RNF128: variants seen among roughly 807,000 people sequenced by gnomAD.
The protein encoded by RNF128 is E3 ubiquitin-protein ligase RNF128.
A neutral mutation model predicts 26.2 loss-of-function variants in RNF128; 13 were observed. The observed-to-expected ratio is 0.50, with a 90% CI of 0.32 to 0.79. The LOEUF is 0.79. Ranked by LOEUF, RNF128 falls within the 30% of genes least tolerant of loss-of-function variation. RNF128 has a pLI of 0.03. For synonymous variants in RNF128, 149 were observed against 142.5 expected, an observed-to-expected ratio of 1.05 and a Z score of -0.32; for missense variants, 315 against 349.7, an observed-to-expected ratio of 0.90 and a Z score of 0.79.
chrX:106,700,512 A>G (rs898003966), intron 1 of RNF128, among the ~76,000 whole-genome samples: 1 of 110,602 alleles, frequency 9.0e-6, no homozygotes, highest in Admixed American at 9.5e-5. Context: ...ATGTGAAAAG[A>G]TGGACAAGTT....
At chrX:106,696,133 C>A (rs1327637686) in intron 1 of RNF128, among the ~76,000 whole-genome samples, 1 of 111,379 alleles carries the variant, frequency 9.0e-6, no homozygotes. Flanking sequence ...CAGTATTGCA[C>A]CTATTTTAAA....
At chrX:106,707,037 T>G (rs767237388) in intron 1 of RNF128, among the ~76,000 whole-genome samples, 9 of 112,366 alleles carry the variant, frequency 8.0e-5, no homozygotes, top group African/African-American at 2.9e-4. Flanking sequence ...TATTCAAAAT[T>G]TACATACATA....
chrX:106,787,827 G>T (rs1378171058), intron 3 of RNF128, 91 bp from the exon 4 acceptor site: 2 of 544,366 alleles, frequency 3.7e-6, no homozygotes, highest in Non-Finnish European at 6.0e-6. Flanking sequence ...AGGAATTTAG[G>T]CTGGTTAAGT....
At chrX:106,717,311 A>G (rs1421251555) in intron 1 of RNF128, among the ~76,000 whole-genome samples, 2 of 112,249 alleles carry the variant, frequency 1.8e-5, no homozygotes, top group Admixed American at 9.4e-5. Flanking sequence ...AATATGAAGG[A>G]TGATTTGGAA....
chrX:106,699,975 T>G (rs1928930463), intron 1 of RNF128, among the ~76,000 whole-genome samples: 1 of 111,035 alleles, frequency 9.0e-6, no homozygotes, highest in Non-Finnish European at 1.9e-5. Flanking sequence ...TTGTTAAAAT[T>G]TATTTTAATG....
At position 106,740,107 on chromosome X, in the gene RNF128, C is replaced by A. The variant is rs1473097890; in HGVS notation, c.484+12710C>A. 2.7e-5 allele frequency among the ~76,000 whole-genome samples: 3 copies of A among 111,782 alleles called. No individual in the cohort carries two copies. The East Asian group carries it at 8.4e-4, about 31-fold the overall frequency. On this transcript the variant is annotated intron_variant, in intron 1 of 6. Coordinates refer to ENST00000255499, the MANE Select transcript of RNF128 (RefSeq NM_194463.2). ...TAAAAGTTTGAATGCCCCTTTATGA[C>A]CAGCATTATGCTGAATGTTGTAGTA...
chrX:106,742,266 G>A (rs1405312034), intron 1 of RNF128, among the ~76,000 whole-genome samples: 1 of 112,031 alleles, frequency 8.9e-6, no homozygotes, highest in African/African-American at 3.2e-5. Context: ...TTCTCTGCAT[G>A]GTAAAGGATT....
Position 106,726,950 on chromosome X carries a change from G to A in RNF128, c.37G>A (p.Gly13Ser). The A allele has an allele frequency of 8.4e-7, 1 of 1,185,194 alleles. No individual in the cohort carries two copies. Among genetic ancestry groups the A allele is most frequent in the Non-Finnish European group, 1.1e-6 (1 of 882,813 alleles). The change falls in exon 1 of 7, where the codon GGT becomes AGT. Residue 13 changes from glycine to serine, a missense_variant. Coordinates refer to ENST00000255499, the MANE Select transcript of RNF128 (RefSeq NM_194463.2). The part of the protein sequence containing the change: ...PPPGAGVSCR[G>S]GCGFSRLLAW... ...GCCTGGGGCCGGGGTCTCCTGCCGC[G>A]GTGGCTGCGGCTTTTCCAGATTGCT...
At chrX:106,756,208 C>A (rs1295684266) in intron 1 of RNF128, among the ~76,000 whole-genome samples, 4 of 111,304 alleles carry the variant, frequency 3.6e-5, no homozygotes, top group East Asian at 5.6e-4. Context: ...GCTACCAATG[C>A]CTTTCTTCAC....
chrX:106,756,142 T>G (rs889200698), intron 1 of RNF128, among the ~76,000 whole-genome samples: 7 of 111,400 alleles, frequency 6.3e-5, no homozygotes, highest in African/African-American at 2.3e-4. Context: ...AATCAATATC[T>G]TGAAAATGGC....
At chrX:106,760,812 T>A (rs765345593) in intron 1 of RNF128, among the ~76,000 whole-genome samples, 65 of 111,762 alleles carry the variant, frequency 5.8e-4, no homozygotes, top group African/African-American at 2.0e-3. Context: ...ATTCAGCATT[T>A]AAAAAGCAGC....
At chrX:106,754,179 A>C (rs898186836) in intron 1 of RNF128, among the ~76,000 whole-genome samples, 3 of 111,892 alleles carry the variant, frequency 2.7e-5, no homozygotes, top group African/African-American at 6.5e-5. Flanking sequence ...GATCATTCTC[A>C]AGGATAAACC....
chrX:106,772,769 A>C (rs1337424444), intron 1 of RNF128, 144 bp from the exon 2 acceptor site: 3 of 579,672 alleles, frequency 5.2e-6, no homozygotes, highest in Non-Finnish European at 7.9e-6. Flanking sequence ...TTTCATATAG[A>C]TAGTAGGTGC....
chrX:106,774,063 T>A, intron 2 of RNF128, among the ~76,000 whole-genome samples: 1 of 111,504 alleles, frequency 9.0e-6, no homozygotes, highest in South Asian at 3.8e-4. Flanking sequence ...TACTGACTGA[T>A]CTCACTTTAA....
rs201049142 is a variant in RNF128 at position 106,735,962 on chromosome X, G to GT, written c.484+8574dup. Reference sequence around the variant, plus strand: ...ATTCCATGCCTTTCTTTGTATTTTTGTTTTTTTTTCCCGTAAGAGGCCTGC... The same window carrying GT: ...ATTCCATGCCTTTCTTTGTATTTTTGTTTTTTTTTTCCCGTAAGAGGCCTGC... On this transcript the variant is annotated intron_variant, in intron 1 of 6. Coordinates refer to ENST00000255499, the MANE Select transcript of RNF128 (RefSeq NM_194463.2). Among the ~76,000 whole-genome samples, 843 of 106,278 alleles carry GT rather than the reference G, an allele frequency of 7.9e-3. 15 individuals carry two copies. The highest frequency in any genetic ancestry group is 0.027 in the African/African-American group (790 of 29,233). The allele number at this position is 106,278 out of a possible 115,157, so 92.3% of individuals were successfully genotyped here.
chrX:106,744,214 C>T (rs924713554), intron 1 of RNF128, among the ~76,000 whole-genome samples: 5 of 111,119 alleles, frequency 4.5e-5, no homozygotes, highest in African/African-American at 1.3e-4. Context: ...CAAACCTGCA[C>T]GTTGTGCACA....
At chrX:106,704,433 G>GAA (rs55870405) in intron 1 of RNF128, among the ~76,000 whole-genome samples, 4,136 of 49,341 alleles carry the variant, frequency 0.084, 258 homozygotes, top group Non-Finnish European at 0.11. Flanking sequence ...CTCTGTCTCA[G>GAA]AAAAAAAAAA....
intron 2 of RNF128, 106 bp from the exon 3 acceptor site, chrX:106,784,959 T>C: frequency 1.8e-6 from 1 of 548,523 alleles, no homozygotes; most frequent in Non-Finnish European, 2.9e-6. Flanking sequence ...AATTGATTTG[T>C]ACATTGACTT....
At position 106,776,421 on chromosome X, in the gene RNF128, C is replaced by T. The variant is rs191034278; in HGVS notation, c.732+3261C>T. ...CTTTCAGAAGAAAAGGATTTACTAA[C>T]TAAAATAGACAGATTAGAAGGAAAT... On this transcript the variant is annotated intron_variant, in intron 2 of 6. Transcript: ENST00000255499. 1.8e-3 allele frequency among the ~76,000 whole-genome samples: 199 copies of T among 111,715 alleles called. 1 individual carries two copies. Among genetic ancestry groups the T allele is most frequent in the African/African-American group, 6.0e-3 (186 of 30,825 alleles).
Sources: allele counts gnomAD v4.1 joint callset (sites outside exome capture counted in the v4.1 genomes callset), GRCh38; gene constraint gnomAD v4.1.1; transcripts MANE v1.5; gene names NCBI Gene and HGNC (gene_info 2026-07-23, HGNC 2026-07-21).